Variants in PSMD11 observed in about 807,000 individuals in gnomAD.
PSMD11 encodes the protein 26S proteasome non-ATPase regulatory subunit 11.
A neutral mutation model predicts 62.3 loss-of-function variants in PSMD11; 5 were observed. The observed-to-expected ratio is 0.08, with a 90% CI of 0.04 to 0.17. The LOEUF (loss-of-function observed/expected upper bound fraction) is 0.17, where lower values mean the gene tolerates loss of function less well. Ranked by LOEUF, PSMD11 falls within the 10% of genes least tolerant of loss-of-function variation. The probability of loss-of-function intolerance (pLI) is 1.00; values close to 1 mark genes in which losing one functional copy is unlikely to be tolerated. For missense variants in PSMD11, 310 were observed against 512.9 expected (o/e 0.60, Z 3.82); for synonymous variants, 191 against 191.8 (o/e 1.00, Z 0.03).
chr17:32,445,901 G>A (rs916744235), intron 1 of PSMD11: 7 of 152,174 alleles, frequency 4.6e-5, no homozygotes, highest in African/African-American at 1.7e-4. Flanking sequence ...CTGATCTTAG[G>A]TCAGTTACTT....
chr17:32,471,306 A>G (rs1328555876), intron 6 of PSMD11, among the ~76,000 whole-genome samples: 2 of 152,232 alleles, frequency 1.3e-5, no homozygotes, highest in Admixed American at 1.3e-4. Flanking sequence ...GAGCAACTCA[A>G]CTTCTAAGCA....
chr17:32,454,741 T>TA, intron 3 of PSMD11, 122 bp downstream of exon 3: 1 of 1,057,438 alleles, frequency 9.5e-7, no homozygotes, highest in Non-Finnish European at 1.3e-6. Context: ...GCGCAGGACT[T>TA]ATCATGTCAG....
intron 2 of PSMD11, among the ~76,000 whole-genome samples, chr17:32,451,120 C>CAA (rs68054446): frequency 0.023 from 2,422 of 106,342 alleles, 37 homozygotes; most frequent in Non-Finnish European, 0.036. Flanking sequence ...GGCTCTTTCT[C>CAA]AAAAAAAAAA....
intron 6 of PSMD11, among the ~76,000 whole-genome samples, chr17:32,469,535 G>C (rs901148047): frequency 6.6e-6 from 1 of 152,144 alleles, no homozygotes; most frequent in Non-Finnish European, 1.5e-5. Flanking sequence ...TTGACTCTTG[G>C]AGATCTTTGT....
rs1324777941 is a variant in PSMD11 at position 32,481,933 on chromosome 17, T to G, written c.*1181T>G. The G allele has an allele frequency of 6.6e-6, 1 of 152,242 alleles. No homozygotes were observed. Among genetic ancestry groups the G allele is most frequent in the Non-Finnish European group, 1.5e-5 (1 of 68,048 alleles). 9.4% of individuals were successfully genotyped at this position (152,242 alleles called of 1,614,324 possible). On this transcript the variant is annotated 3_prime_UTR_variant, in exon 14 of 14. Transcript: ENST00000261712. ...AGTAGAGCACTATGTGTCAGTATGC[T>G]TTGTTTTCTGACACGATTACACAGC...
chr17:32,464,463 T>C (rs1907932914), intron 4 of PSMD11, 58 bp from the exon 5 acceptor site: 11 of 1,377,264 alleles, frequency 8.0e-6, no homozygotes, highest in Middle Eastern at 3.6e-4. Flanking sequence ...TGTCAATCTT[T>C]GATTTCTTTC....
At chr17:32,452,220 G>T (rs900258327) in intron 2 of PSMD11, among the ~76,000 whole-genome samples, 3 of 152,118 alleles carry the variant, frequency 2.0e-5, no homozygotes, top group East Asian at 1.9e-4. Context: ...TTACTATCTG[G>T]CTCTTCACAG....
At chr17:32,467,560 G>A (rs150917571) in intron 5 of PSMD11, among the ~76,000 whole-genome samples, 35 of 152,238 alleles carry the variant, frequency 2.3e-4, no homozygotes, top group African/African-American at 8.2e-4. Flanking sequence ...TTATATGTAT[G>A]TCTTCAGATA....
intron 2 of PSMD11, among the ~76,000 whole-genome samples, chr17:32,454,162 A>C (rs1179699752): frequency 6.6e-6 from 1 of 152,232 alleles, no homozygotes; most frequent in Admixed American, 6.5e-5. Flanking sequence ...AGCATATTTC[A>C]TGTTCTAGAA....
At chr17:32,472,322 A>G (rs942071991) in intron 6 of PSMD11, among the ~76,000 whole-genome samples, 2 of 150,808 alleles carry the variant, frequency 1.3e-5, no homozygotes, top group African/African-American at 4.9e-5. Flanking sequence ...TCCTGGATTC[A>G]AGTGATTCTC....
intron 6 of PSMD11, among the ~76,000 whole-genome samples, chr17:32,472,929 G>T (rs560544909): frequency 6.6e-6 from 1 of 151,214 alleles, no homozygotes; most frequent in South Asian, 2.1e-4. Flanking sequence ...GCCGAGGCGG[G>T]TGGATCACTT....
rs185667180 is a variant in PSMD11 at position 32,461,203 on chromosome 17, G to A, written c.319-2846G>A. Among the ~76,000 whole-genome samples, 198 of 151,828 alleles carry A rather than the reference G, an allele frequency of 1.3e-3. 2 individuals carry two copies. The highest frequency in any genetic ancestry group is 4.5e-3 in the African/African-American group (187 of 41,440). On this transcript the variant is annotated intron_variant, in intron 3 of 13. Coordinates refer to ENST00000261712, the MANE Select transcript of PSMD11 (RefSeq NM_002815.4). ...TGTGATTCTCCTGCCTCAGCCTCCC[G>A]AGTAGCTGGGATTACAGGTGCACAC...
chr17:32,464,232 T>TA, intron 4 of PSMD11, 112 bp downstream of exon 4: 1 of 1,010,532 alleles, frequency 9.9e-7, no homozygotes, highest in East Asian at 2.4e-5. Flanking sequence ...ATTACCTAGA[T>TA]ACCGAAAGAT....
At chr17:32,451,917 A>G (rs1907512721) in intron 2 of PSMD11, among the ~76,000 whole-genome samples, 1 of 151,850 alleles carries the variant, frequency 6.6e-6, no homozygotes, top group Non-Finnish European at 1.5e-5. Context: ...TTTTGTAGAG[A>G]GGGGGTTTCG....
intron 9 of PSMD11, among the ~76,000 whole-genome samples, chr17:32,479,041 C>T (rs898431374): frequency 6.6e-6 from 1 of 152,180 alleles, no homozygotes; most frequent in South Asian, 2.1e-4. Context: ...TCCCGAGTGA[C>T]TGGGACTCCA....
rs993197190 is a variant in PSMD11, at chr17:32,481,808, CTCTT to C, written c.*1058_*1061del. On this transcript the variant is annotated 3_prime_UTR_variant, in exon 14 of 14. Coordinates refer to ENST00000261712, the MANE Select transcript of PSMD11 (RefSeq NM_002815.4). ...AGACTGTGGGGTGTGGTTTCTCTCT[CTCTT>C]TTTTTTTTAATTTTCTTTGTTGGGT... 11 of 151,990 alleles carry C rather than the reference CTCTT, an allele frequency of 7.2e-5. No homozygotes were observed. Among genetic ancestry groups the C allele is most frequent in the Admixed American group, 5.9e-4 (9 of 15,268 alleles). The allele number at this position is 151,990 out of a possible 1,614,324, so 9.4% of individuals were successfully genotyped here.
rs1470928723 is a variant in PSMD11, at chr17:32,483,220, TAAC to T, written c.*2471_*2473del. The T allele has an allele frequency of 6.6e-6, 1 of 152,188 alleles. No individual in the cohort carries two copies. The highest frequency in any genetic ancestry group is 1.5e-5 in the Non-Finnish European group (1 of 68,022). 9.4% of individuals were successfully genotyped at this position (152,188 alleles called of 1,614,324 possible). A position where few individuals can be genotyped will look rare whatever the true frequency, so the allele number is the denominator to read the frequency against. On this transcript the variant is annotated 3_prime_UTR_variant, in exon 14 of 14. Coordinates refer to ENST00000261712, the MANE Select transcript of PSMD11 (RefSeq NM_002815.4). ...ACCAGACTTCGAAGGCTTAGTATGA[TAAC>T]AAAAGAAAAGGAGTGTAAAATATGT...
chr17:32,458,778 C>T (rs1298403091), intron 3 of PSMD11, among the ~76,000 whole-genome samples: 2 of 152,140 alleles, frequency 1.3e-5, no homozygotes. Context: ...TTCAAACTGT[C>T]TGGGGTTGGG....
intron 5 of PSMD11, among the ~76,000 whole-genome samples, chr17:32,467,453 C>T (rs1908029411): frequency 6.6e-6 from 1 of 150,658 alleles, no homozygotes; most frequent in Non-Finnish European, 1.5e-5. Flanking sequence ...ACCATGTTAG[C>T]CAGGCTGGTG....
Sources: allele counts gnomAD v4.1 joint callset (sites outside exome capture counted in the v4.1 genomes callset), GRCh38; gene constraint gnomAD v4.1.1; transcripts MANE v1.5; gene names NCBI Gene and HGNC (gene_info 2026-07-23, HGNC 2026-07-21).